The following ANKRD12 variants were observed in gnomAD, a reference collection of about 807,000 sequenced individuals.
The protein encoded by ANKRD12 is ankyrin repeat domain 12, also known as ankyrin repeat domain-containing protein 12.
ANKRD12 carries 85 observed loss-of-function variants against 183.4 expected under a neutral mutation model. The ratio of observed to expected loss-of-function variants is 0.46; its 90% CI spans 0.39 to 0.56. The LOEUF (loss-of-function observed/expected upper bound fraction) is 0.56. Among genes scored for constraint, ANKRD12 ranks in the 20% least tolerant of loss-of-function variants. The probability of loss-of-function intolerance (pLI) is 0.00; values close to 1 mark genes in which losing one functional copy is unlikely to be tolerated. For synonymous variants in ANKRD12, 914 were observed against 800.2 expected (o/e 1.14, Z -2.40); for missense variants, 2,405 against 2,357.1 (o/e 1.02, Z -0.42).
At chr18:9,219,024 T>C (rs1321639949) in intron 7 of ANKRD12, among the ~76,000 whole-genome samples, 4 of 152,178 alleles carry the variant, frequency 2.6e-5, no homozygotes, top group Non-Finnish European at 5.9e-5. Context: ...GTATCATCTT[T>C]TGTCATCATT....
chr18:9,143,780 A>G (rs1598380565), intron 1 of ANKRD12, among the ~76,000 whole-genome samples: 1 of 152,168 alleles, frequency 6.6e-6, no homozygotes, highest in Non-Finnish European at 1.5e-5. Flanking sequence ...TTTAAGCTGC[A>G]GTTGAATATG....
chr18:9,252,261 GA>G (rs1360224132), intron 8 of ANKRD12, among the ~76,000 whole-genome samples: 2 of 152,190 alleles, frequency 1.3e-5, no homozygotes, highest in African/African-American at 4.8e-5. Context: ...TAAAGAAAGG[GA>G]AGTGGTCTGC....
At chr18:9,165,249 A>G (rs533434990) in intron 1 of ANKRD12, among the ~76,000 whole-genome samples, 25 of 152,158 alleles carry the variant, frequency 1.6e-4, no homozygotes, top group African/African-American at 5.1e-4. Context: ...ATTGCTTGGT[A>G]AGTTTTCCAC....
At chr18:9,184,852 A>T (rs1598483411) in intron 2 of ANKRD12, among the ~76,000 whole-genome samples, 2 of 152,166 alleles carry the variant, frequency 1.3e-5, no homozygotes, top group Middle Eastern at 3.4e-3. Flanking sequence ...ATAACATCTT[A>T]AATGTTATTA....
At chr18:9,262,825 G>A (rs1276709531) in intron 9 of ANKRD12, among the ~76,000 whole-genome samples, 2 of 101,170 alleles carry the variant, frequency 2.0e-5, no homozygotes, top group African/African-American at 8.0e-5. Context: ...TTGAGACAGA[G>A]TCTCGCTCTG....
intron 1 of ANKRD12, among the ~76,000 whole-genome samples, chr18:9,157,838 T>TA (rs2030841704): frequency 6.6e-6 from 1 of 151,930 alleles, no homozygotes; most frequent in African/African-American, 2.4e-5. Flanking sequence ...TGACCAAAGA[T>TA]ATTAACAAAA....
intron 9 of ANKRD12, among the ~76,000 whole-genome samples, chr18:9,262,869 A>C (rs917988285): frequency 7.5e-6 from 1 of 132,598 alleles, no homozygotes; most frequent in African/African-American, 2.9e-5. Flanking sequence ...CATGATCTCA[A>C]CTCACTGCAA....
intron 8 of ANKRD12, among the ~76,000 whole-genome samples, chr18:9,241,090 A>G (rs1384824112): frequency 6.6e-6 from 1 of 152,172 alleles, no homozygotes; most frequent in African/African-American, 2.4e-5. Flanking sequence ...CAAATGGATT[A>G]TGTGATGTTA....
chr18:9,272,659 A>G (rs928816378), intron 10 of ANKRD12, among the ~76,000 whole-genome samples: 1 of 152,140 alleles, frequency 6.6e-6, no homozygotes, highest in African/African-American at 2.4e-5. Flanking sequence ...ACTACAACCA[A>G]CTTTTTAGGA....
At chr18:9,181,802 A>G (rs1598476266) in intron 1 of ANKRD12, among the ~76,000 whole-genome samples, 1 of 152,324 alleles carries the variant, frequency 6.6e-6, no homozygotes, top group East Asian at 1.9e-4. Context: ...TAGAATAGGA[A>G]AGAGAAGGCT....
At chr18:9,142,426 T>G (rs567370573) in intron 1 of ANKRD12, among the ~76,000 whole-genome samples, 1 of 152,174 alleles carries the variant, frequency 6.6e-6, no homozygotes, top group Admixed American at 6.5e-5. Context: ...AACTCACTTA[T>G]GAAAGAGAAG....
chr18:9,281,191 C>T lies in ANKRD12; in HGVS notation c.*65C>T, dbSNP rs146406767. On this transcript the variant is annotated 3_prime_UTR_variant, in exon 13 of 13. Transcript: ENST00000262126. ...TGCTCAAGCATTATACTGTGGAATA[C>T]TGCCTTTTGACAAAAATACTCATGC... 28 of 1,374,136 alleles carry T rather than the reference C, an allele frequency of 2.0e-5. No homozygotes were observed. The East Asian group carries it at 6.2e-4, about 30-fold the overall frequency. The allele number at this position is 1,374,136 out of a possible 1,614,324, so 85.1% of individuals were successfully genotyped here.
intron 8 of ANKRD12, among the ~76,000 whole-genome samples, chr18:9,246,666 G>A (rs139059082): frequency 1.6e-3 from 250 of 152,290 alleles, no homozygotes; most frequent in Non-Finnish European, 2.9e-3. Context: ...ATTGACGTAT[G>A]TGCTTTATTG....
intron 8 of ANKRD12, among the ~76,000 whole-genome samples, chr18:9,240,709 G>A (rs552366685): frequency 7.7e-4 from 117 of 152,208 alleles, no homozygotes; most frequent in African/African-American, 2.6e-3. Context: ...CTCCTCACTT[G>A]CATACTTCAA....
intron 11 of ANKRD12, among the ~76,000 whole-genome samples, chr18:9,277,314 CCT>C (rs1491412273): frequency 6.7e-6 from 1 of 149,526 alleles, no homozygotes; most frequent in African/African-American, 2.5e-5. Context: ...AGAGTGACAC[CCT>C]GTTTCTTTTT....
At chr18:9,196,150 C>CACACACACACACACACAT in intron 3 of ANKRD12, among the ~76,000 whole-genome samples, 1 of 131,208 alleles carries the variant, frequency 7.6e-6, no homozygotes, top group Admixed American at 7.4e-5. Flanking sequence ...CACACACACA[C>CACACACACACACACACAT]ATTGAGGCTA....
intron 5 of ANKRD12, 82 bp from the exon 6 acceptor site, chr18:9,211,502 A>C: frequency 8.0e-7 from 1 of 1,256,644 alleles, no homozygotes; most frequent in Non-Finnish European, 1.1e-6. Context: ...TCAGGAGATT[A>C]GCATATTACC....
At chr18:9,183,771 C>T (rs1448786682) in intron 2 of ANKRD12, among the ~76,000 whole-genome samples, 2 of 152,142 alleles carry the variant, frequency 1.3e-5, no homozygotes, top group African/African-American at 2.4e-5. Flanking sequence ...TTCTTGATTA[C>T]AGTACTTAGT....
intron 7 of ANKRD12, among the ~76,000 whole-genome samples, chr18:9,219,552 A>C (rs1466052916): frequency 6.6e-6 from 1 of 152,112 alleles, no homozygotes; most frequent in Non-Finnish European, 1.5e-5. Flanking sequence ...TAAATATTTT[A>C]GGCTTTGCAG....
Sources: gnomAD v4.1 joint callset for allele counts (sites outside exome capture counted in the v4.1 genomes callset) on GRCh38, gnomAD v4.1.1 for gene constraint, MANE v1.5 for transcripts, NCBI Gene and HGNC (gene_info 2026-07-23, HGNC 2026-07-21) for gene names.